The following WDR7 variants were observed in gnomAD, a reference collection of about 807,000 sequenced individuals.
WDR7 encodes WD repeat domain 7, also known as WD repeat-containing protein 7.
A neutral mutation model predicts 169.4 loss-of-function variants in WDR7; 46 were observed. The observed-to-expected ratio is 0.27, with a 90% confidence interval of 0.21 to 0.35. The LOEUF (loss-of-function observed/expected upper bound fraction) is 0.35, where lower values mean the gene tolerates loss of function less well. Among genes scored for constraint, WDR7 ranks in the 10% least tolerant of loss-of-function variants. WDR7 has a pLI of 1.00. For missense variants in WDR7, 1,534 were observed against 1,859.3 expected, an observed-to-expected ratio of 0.83 and a Z score of 3.22; for synonymous variants, 612 against 666.8, an observed-to-expected ratio of 0.92 and a Z score of 1.27.
chr18:57,036,199 T>G, the WDR7 span: 6 of 152,394 alleles, frequency 3.9e-5, no homozygotes, highest in Middle Eastern at 6.8e-3. Flanking sequence ...GTTCCCAGGC[T>G]TTTTTCAAAG....
At chr18:56,695,749 G>C (rs924824203) in intron 11 of WDR7, among the ~76,000 whole-genome samples, 3 of 151,956 alleles carry the variant, frequency 2.0e-5, no homozygotes, top group Non-Finnish European at 4.4e-5. Context: ...TGGCCAGGCT[G>C]GTCTCGAACT....
chr18:56,785,910 C>G (rs1414579053), intron 19 of WDR7, among the ~76,000 whole-genome samples: 1 of 151,012 alleles, frequency 6.6e-6, no homozygotes, highest in African/African-American at 2.4e-5. Context: ...AAGGGATCTT[C>G]CCGCCTCAGC....
At chr18:56,862,488 A>G (rs2045821738) in intron 20 of WDR7, among the ~76,000 whole-genome samples, 1 of 151,602 alleles carries the variant, frequency 6.6e-6, no homozygotes, top group South Asian at 2.1e-4. Flanking sequence ...AACATTACCT[A>G]TATTAAAGAA....
chr18:57,031,174 A>T (rs1317461579), downstream of WDR7: 11 of 152,236 alleles, frequency 7.2e-5, no homozygotes, highest in Admixed American at 5.9e-4. Flanking sequence ...TGATTCTGCC[A>T]TAATGGCATT....
intron 14 of WDR7, among the ~76,000 whole-genome samples, chr18:56,750,847 C>T (rs2043779915): frequency 6.6e-6 from 1 of 152,056 alleles, no homozygotes; most frequent in African/African-American, 2.4e-5. Flanking sequence ...TGCATTTAGC[C>T]AAAATATCCT....
chr18:56,882,486 T>G (rs2046122380), intron 21 of WDR7, among the ~76,000 whole-genome samples: 1 of 152,256 alleles, frequency 6.6e-6, no homozygotes, highest in South Asian at 2.1e-4. Flanking sequence ...AAAATAAAAC[T>G]TATGGCTCTT....
intron 20 of WDR7, among the ~76,000 whole-genome samples, chr18:56,858,632 C>T (rs2045757334): frequency 6.6e-6 from 1 of 152,100 alleles, no homozygotes; most frequent in Admixed American, 6.5e-5. Context: ...CACATTCTAG[C>T]TTTAGTTCCC....
chr18:56,827,634 A>G (rs2045231829), intron 20 of WDR7, among the ~76,000 whole-genome samples: 1 of 152,140 alleles, frequency 6.6e-6, no homozygotes, highest in South Asian at 2.1e-4. Flanking sequence ...AAGACCTATT[A>G]TTTGGTAGAA....
At chr18:56,924,337 G>A (rs2046773813) in intron 22 of WDR7, among the ~76,000 whole-genome samples, 1 of 152,064 alleles carries the variant, frequency 6.6e-6, no homozygotes, top group African/African-American at 2.4e-5. Context: ...ATGTGACATA[G>A]TTTTCCAATT....
chr18:57,007,128 C>T (rs923930660), intron 26 of WDR7, among the ~76,000 whole-genome samples: 25 of 151,876 alleles, frequency 1.6e-4, no homozygotes, highest in African/African-American at 4.1e-4. Flanking sequence ...TACAGGCGCC[C>T]GCCACAACAC....
At chr18:56,819,576 G>C (rs1023368326) in intron 20 of WDR7, among the ~76,000 whole-genome samples, 2 of 151,980 alleles carry the variant, frequency 1.3e-5, no homozygotes, top group African/African-American at 4.8e-5. Flanking sequence ...GATTAATGTT[G>C]TTTTAAGTAG....
At chr18:56,833,207 G>A (rs188698261) in intron 20 of WDR7, among the ~76,000 whole-genome samples, 1 of 151,926 alleles carries the variant, frequency 6.6e-6, no homozygotes, top group East Asian at 2.0e-4. Flanking sequence ...AGTATTAGTA[G>A]CAGAATTGGT....
At chr18:56,923,478 C>T (rs1304410155) in intron 21 of WDR7, among the ~76,000 whole-genome samples, 3 of 152,206 alleles carry the variant, frequency 2.0e-5, no homozygotes, top group Admixed American at 6.5e-5. Flanking sequence ...CATTCTCCAT[C>T]CTTCATTGCA....
intron 14 of WDR7, among the ~76,000 whole-genome samples, chr18:56,735,480 A>G (rs1437962369): frequency 2.0e-5 from 3 of 152,070 alleles, no homozygotes; most frequent in African/African-American, 4.8e-5. Context: ...TAAAATGGAG[A>G]TGGTATTATT....
chr18:56,985,083 C>T (rs2047695320), intron 26 of WDR7, among the ~76,000 whole-genome samples: 1 of 152,170 alleles, frequency 6.6e-6, no homozygotes, highest in African/African-American at 2.4e-5. Flanking sequence ...TGGGAGCCAA[C>T]TGATTCAGCC....
rs1012693663 is a variant in WDR7 at position 56,681,551 on chromosome 18, A to G, written c.345+160A>G. Among the ~76,000 whole-genome samples the G allele has an allele frequency of 2.6e-5, 4 of 152,330 alleles. No homozygotes were observed. The South Asian group carries it at 8.3e-4, about 32-fold the overall frequency. On this transcript the variant is annotated intron_variant, in intron 4 of 27. Coordinates refer to ENST00000254442, the MANE Select transcript of WDR7 (RefSeq NM_015285.3). ...AAGCGGTAAAAGTGTTCCTCGTAAG[A>G]TGGTACAGTTGGGAGGGGTAAGAAA... is the stretch of plus-strand genomic sequence containing the variant.
chr18:56,811,973 A>G (rs777723909), intron 19 of WDR7, among the ~76,000 whole-genome samples: 2 of 152,162 alleles, frequency 1.3e-5, no homozygotes, highest in Non-Finnish European at 2.9e-5. Context: ...TAATTTTAGA[A>G]TACTTTTGTT....
chr18:56,862,558 T>C (rs1017224040), intron 20 of WDR7, among the ~76,000 whole-genome samples: 10 of 151,708 alleles, frequency 6.6e-5, no homozygotes, highest in African/African-American at 2.2e-4. Flanking sequence ...TTCAGTATAG[T>C]TGTTTTAGTT....
chr18:56,707,934 T>C (rs960253130), intron 12 of WDR7, among the ~76,000 whole-genome samples: 7 of 151,940 alleles, frequency 4.6e-5, no homozygotes, highest in Admixed American at 1.3e-4. Context: ...GTTAGAAAAA[T>C]GAGGACAGTA....
Sources: gnomAD v4.1 joint callset for allele counts (sites outside exome capture counted in the v4.1 genomes callset) on GRCh38, gnomAD v4.1.1 for gene constraint, MANE v1.5 for transcripts, NCBI Gene and HGNC (gene_info 2026-07-23, HGNC 2026-07-21) for gene names.